The following SATB1 variants were observed in gnomAD, a reference collection of about 807,000 sequenced individuals.
The protein encoded by SATB1 is DNA-binding protein SATB1.
A neutral mutation model predicts 86.9 loss-of-function variants in SATB1; 11 were observed. The observed-to-expected ratio is 0.13, with a 90% confidence interval of 0.08 to 0.21. The LOEUF (loss-of-function observed/expected upper bound fraction) is 0.21, where lower values mean the gene tolerates loss of function less well. Among genes scored for constraint, SATB1 ranks in the 10% least tolerant of loss-of-function variants. The pLI is 1.00. For missense variants in SATB1, 551 were observed against 937.6 expected, an observed-to-expected ratio of 0.59 and a Z score of 5.39; for synonymous variants, 357 against 357.2, an observed-to-expected ratio of 1.00 and a Z score of 0.01.
At chr3:18,383,849 A>C (rs959839806) in intron 8 of SATB1, among the ~76,000 whole-genome samples, 8 of 152,160 alleles carry the variant, frequency 5.3e-5, no homozygotes, top group Non-Finnish European at 5.9e-5. Flanking sequence ...CTTAAAATTT[A>C]ATTCATTTAA....
intron 5 of SATB1, among the ~76,000 whole-genome samples, chr3:18,410,394 T>C (rs1040838869): frequency 1.6e-4 from 24 of 151,970 alleles, no homozygotes; most frequent in Non-Finnish European, 4.4e-5. Context: ...GGGCTCTCGG[T>C]ATGAAGTCTC....
At chr3:18,361,983 A>C (rs943576513) in intron 9 of SATB1, among the ~76,000 whole-genome samples, 3 of 152,110 alleles carry the variant, frequency 2.0e-5, no homozygotes, top group African/African-American at 7.2e-5. Flanking sequence ...CCTTATGCCT[A>C]TATCTTCTAC....
rs920847480 is a variant in SATB1 at position 18,346,109 on chromosome 3, A to G, written c.*3061T>C. 4 of 152,122 alleles carry G rather than the reference A, an allele frequency of 2.6e-5. No individual in the cohort carries two copies. The highest frequency in any genetic ancestry group is 7.2e-5 in the African/African-American group (3 of 41,450). 9.4% of individuals were successfully genotyped at this position (152,122 alleles called of 1,614,324 possible). ...CAGACTTTGTTACCAAGCGCCACACAACTAGGACATACATATTAGTTACCT... is the reference window on the plus strand; with the variant it reads ...CAGACTTTGTTACCAAGCGCCACACGACTAGGACATACATATTAGTTACCT... On this transcript the variant is annotated 3_prime_UTR_variant, in exon 11 of 11. Transcript: ENST00000338745.
intron 7 of SATB1, among the ~76,000 whole-genome samples, chr3:18,391,681 G>C (rs1696684166): frequency 6.6e-6 from 1 of 151,888 alleles, no homozygotes; most frequent in Admixed American, 6.6e-5. Flanking sequence ...ATTGTACTAG[G>C]TGCACACAAA....
chr3:18,348,246 T>C lies in SATB1; in HGVS notation c.*924A>G, dbSNP rs375942292. The C allele has an allele frequency of 2.6e-5, 4 of 152,772 alleles. No homozygotes were observed. The South Asian group carries it at 6.2e-4, about 24-fold the overall frequency. 9.5% of individuals were successfully genotyped at this position (152,772 alleles called of 1,614,324 possible). A position where few individuals can be genotyped will look rare whatever the true frequency, so the allele number is the denominator to read the frequency against. On this transcript the variant is annotated 3_prime_UTR_variant, in exon 11 of 11. Coordinates refer to ENST00000338745, the MANE Select transcript of SATB1 (RefSeq NM_002971.6). ...TATTTACCTAAGCTTATTTGCATGA[T>C]AGTAAAAATTGCATACAACAATAAG...
intron 2 of SATB1, among the ~76,000 whole-genome samples, chr3:18,418,050 T>C (rs951754231): frequency 6.6e-6 from 1 of 152,132 alleles, no homozygotes; most frequent in African/African-American, 2.4e-5. Flanking sequence ...CTTCCAATGA[T>C]AACGGAAAAG....
chr3:18,406,654 G>A (rs1354524634), intron 5 of SATB1, among the ~76,000 whole-genome samples: 2 of 151,938 alleles, frequency 1.3e-5, no homozygotes, highest in Non-Finnish European at 2.9e-5. Context: ...CTATTGTTGT[G>A]CTTACAAATG....
chr3:18,389,844 A>G (rs1364068243), intron 7 of SATB1, among the ~76,000 whole-genome samples: 1 of 152,134 alleles, frequency 6.6e-6, no homozygotes, highest in East Asian at 1.9e-4. Context: ...CCTCATAAAT[A>G]TTCATTTTAT....
chr3:18,428,039 A>C (rs886819198), upstream of SATB1, among the ~76,000 whole-genome samples: 8 of 152,228 alleles, frequency 5.3e-5, no homozygotes, highest in African/African-American at 1.9e-4. Flanking sequence ...AATAAATAAC[A>C]AAAAAAGAAA....
chr3:18,425,584 C>G (rs1698658433), upstream of SATB1, among the ~76,000 whole-genome samples: 1 of 151,490 alleles, frequency 6.6e-6, no homozygotes, highest in African/African-American at 2.4e-5. Flanking sequence ...GATTTCCGGC[C>G]CCGGGCGCGC....
At chr3:18,387,797 G>A (rs888518407) in intron 7 of SATB1, among the ~76,000 whole-genome samples, 2 of 152,150 alleles carry the variant, frequency 1.3e-5, no homozygotes, top group African/African-American at 2.4e-5. Context: ...TATATTGGGG[G>A]AAGGAAGGTA....
Position 18,347,533 on chromosome 3 carries a change from T to C in SATB1, c.*1637A>G, listed in dbSNP as rs907472052. 3.3e-5 allele frequency: 5 copies of C among 152,164 alleles called. No homozygotes were observed. Among genetic ancestry groups the C allele is most frequent in the Non-Finnish European group, 5.9e-5 (4 of 68,012 alleles). 9.4% of individuals were successfully genotyped at this position (152,164 alleles called of 1,614,324 possible). On this transcript the variant is annotated 3_prime_UTR_variant, in exon 11 of 11. Coordinates refer to ENST00000338745, the MANE Select transcript of SATB1 (RefSeq NM_002971.6). ...GGGTTTTTATACAGAAGGTCCATTT[T>C]TTCCCCTACTTATTTTGTTACTATT...
chr3:18,388,273 T>C (rs1696446934), intron 7 of SATB1, among the ~76,000 whole-genome samples: 1 of 152,076 alleles, frequency 6.6e-6, no homozygotes, highest in Admixed American at 6.5e-5. Context: ...GCCACCTAAT[T>C]AGTTTGACTG....
At chr3:18,415,615 A>G (rs747543316) in intron 4 of SATB1, among the ~76,000 whole-genome samples, 1 of 152,132 alleles carries the variant, frequency 6.6e-6, no homozygotes, top group South Asian at 2.1e-4. Context: ...TAAATAAATA[A>G]GACTGTGGTA....
chr3:18,433,567 T>TG (rs1698960829), intron 2 of SATB1, among the ~76,000 whole-genome samples: 1 of 152,266 alleles, frequency 6.6e-6, no homozygotes, highest in South Asian at 2.1e-4. Context: ...GTATTAATGA[T>TG]GGAGTTTTTA....
intron 5 of SATB1, among the ~76,000 whole-genome samples, chr3:18,408,400 T>C (rs558724629): frequency 3.9e-5 from 6 of 152,154 alleles, no homozygotes; most frequent in Non-Finnish European, 7.4e-5. Flanking sequence ...ACAATCATTA[T>C]GAGTTAAAAT....
chr3:18,383,361 C>A (rs150677302), intron 8 of SATB1, among the ~76,000 whole-genome samples: 1 of 152,286 alleles, frequency 6.6e-6, no homozygotes, highest in East Asian at 1.9e-4. Flanking sequence ...CAAGGGCACT[C>A]CAAAATCATC....
At chr3:18,429,688 C>A (rs1698825948), upstream of SATB1, among the ~76,000 whole-genome samples, 1 of 152,142 alleles carries the variant, frequency 6.6e-6, no homozygotes, top group East Asian at 1.9e-4. This position sits in a 1 kb window ranked among gnomAD's most constrained non-coding sequence, Gnocchi z 4.1. Flanking sequence ...ATTAAACTCT[C>A]TGACTAATTA....
intron 5 of SATB1, among the ~76,000 whole-genome samples, chr3:18,402,675 C>A (rs765557432): frequency 6.6e-6 from 1 of 152,052 alleles, no homozygotes; most frequent in African/African-American, 2.4e-5. Context: ...GATCTACATG[C>A]TTGCGTTTTT....
Sources: allele counts gnomAD v4.1 joint callset (sites outside exome capture counted in the v4.1 genomes callset), GRCh38; gene constraint gnomAD v4.1.1; non-coding constraint Gnocchi (gnomAD v3.1); transcripts MANE v1.5; gene names NCBI Gene and HGNC (gene_info 2026-07-23, HGNC 2026-07-21).